SPATA6: variants seen among roughly 807,000 people sequenced by gnomAD.
SPATA6 encodes the protein spermatogenesis-associated protein 6.
SPATA6 carries 56 observed loss-of-function variants against 65.3 expected under a neutral mutation model. The observed-to-expected ratio is 0.86, with a 90% CI of 0.69 to 1.07. The LOEUF is 1.07. Ranked by LOEUF, SPATA6 falls within the 50% of genes least tolerant of loss-of-function variation. The pLI, the probability that SPATA6 is intolerant of heterozygous loss-of-function variation, is 0.00. For missense variants in SPATA6, 590 were observed against 594.8 expected (o/e 0.99, Z 0.08); for synonymous variants, 199 against 213.2 (o/e 0.93, Z 0.58).
intron 1 of SPATA6, among the ~76,000 whole-genome samples, chr1:48,453,649 A>C (rs565037930): frequency 6.6e-6 from 1 of 152,204 alleles, no homozygotes; most frequent in Non-Finnish European, 1.5e-5. Context: ...TTTCTAGCCC[A>C]ATAAAGTACT....
chr1:48,442,489 C>T (rs2997522), intron 3 of SPATA6, among the ~76,000 whole-genome samples: 1,550 of 151,430 alleles, frequency 0.01, 22 homozygotes, highest in African/African-American at 0.036. Context: ...GCAGCATAAG[C>T]GGCTGGCAGA....
rs183930303 is a variant in SPATA6, at chr1:48,419,517, G to A, written c.239-6366C>T. On this transcript the variant is annotated intron_variant, in intron 3 of 12. Transcript: ENST00000371847. ...AAGACACTAAGGAAATGGGGCTTACGGGATACATCTAATGAACAAGCTCCT... is the reference window on the plus strand; with the variant it reads ...AAGACACTAAGGAAATGGGGCTTACAGGATACATCTAATGAACAAGCTCCT... Among the ~76,000 whole-genome samples the A allele has an allele frequency of 4.5e-3, 690 of 152,240 alleles. 4 individuals are homozygous for A. Among genetic ancestry groups the A allele is most frequent in the Middle Eastern group, 0.01 (3 of 294 alleles).
At chr1:48,301,548 A>ACAC (rs1471411941) in intron 12 of SPATA6, among the ~76,000 whole-genome samples, 7 of 145,444 alleles carry the variant, frequency 4.8e-5, no homozygotes, top group Non-Finnish European at 7.8e-5. Context: ...CACACACACA[A>ACAC]AAAAAAAAAC....
At chr1:48,362,276 A>C (rs1646837871) in intron 9 of SPATA6, among the ~76,000 whole-genome samples, 1 of 152,140 alleles carries the variant, frequency 6.6e-6, no homozygotes, top group Non-Finnish European at 1.5e-5. Flanking sequence ...AAAAAAGAAA[A>C]GAAAGAAAAA....
chr1:48,272,938 G>A, the SPATA6 span, among the ~76,000 whole-genome samples: 1 of 152,082 alleles, frequency 6.6e-6, no homozygotes, highest in South Asian at 2.1e-4. Flanking sequence ...TTCTTTTGAG[G>A]TCCTTTGTCC....
chr1:48,448,008 T>C (rs377112911), intron 3 of SPATA6: 1 of 152,226 alleles, frequency 6.6e-6, no homozygotes, highest in Non-Finnish European at 1.5e-5. Flanking sequence ...AAAAAGCTTA[T>C]ATTAGGAAAA....
At chr1:48,414,281 C>A (rs139114114) in intron 3 of SPATA6, among the ~76,000 whole-genome samples, 1 of 152,176 alleles carries the variant, frequency 6.6e-6, no homozygotes, top group Non-Finnish European at 1.5e-5. Flanking sequence ...CATATTTCCA[C>A]CAGCAGGGAG....
intron 11 of SPATA6, among the ~76,000 whole-genome samples, chr1:48,324,146 C>T (rs1412990513): frequency 6.6e-6 from 1 of 151,960 alleles, no homozygotes; most frequent in Non-Finnish European, 1.5e-5. Context: ...TTTGTAGAGA[C>T]AAGGTCTCAC....
intron 8 of SPATA6, among the ~76,000 whole-genome samples, chr1:48,390,392 T>C (rs750874369): frequency 1.6e-4 from 24 of 152,142 alleles, no homozygotes; most frequent in Non-Finnish European, 2.8e-4. Flanking sequence ...GAATAATCGA[T>C]ACTAGAGGCT....
chr1:48,316,724 C>T (rs908416995), intron 11 of SPATA6, among the ~76,000 whole-genome samples: 5 of 152,182 alleles, frequency 3.3e-5, no homozygotes, highest in African/African-American at 1.2e-4. Context: ...GCAAAAGAAA[C>T]TACCATCAGA....
At chr1:48,464,500 C>T (rs905218386) in intron 1 of SPATA6, among the ~76,000 whole-genome samples, 2 of 152,076 alleles carry the variant, frequency 1.3e-5, no homozygotes, top group South Asian at 4.1e-4. Flanking sequence ...CTCATAGGAG[C>T]ACAATTTGTA....
intron 5 of SPATA6, among the ~76,000 whole-genome samples, chr1:48,404,703 G>GA (rs972661439): frequency 3.4e-4 from 51 of 152,028 alleles, no homozygotes; most frequent in African/African-American, 1.2e-3. Context: ...TGTAGTTCTT[G>GA]AAAACAGAAA....
the SPATA6 span, among the ~76,000 whole-genome samples, chr1:48,280,997 G>C: frequency 3.9e-5 from 6 of 152,034 alleles, no homozygotes; most frequent in African/African-American, 7.2e-5. Flanking sequence ...GATCAAGTGG[G>C]CTTCATCCCT....
chr1:48,400,634 C>T (rs182717889), intron 6 of SPATA6: 89 of 366,114 alleles, frequency 2.4e-4, no homozygotes, highest in African/African-American at 1.9e-3. Context: ...CTAAGGGTAA[C>T]TAAGTGAATA....
Position 48,305,801 on chromosome 1 carries a change from A to AC in SPATA6, c.1271dup (p.Ser424ArgfsTer2). 6.2e-7 allele frequency: 1 copy of AC among 1,610,722 alleles called. No homozygotes were observed. The highest frequency in any genetic ancestry group is 1.3e-5 in the African/African-American group (1 of 74,896). On this transcript the variant is annotated frameshift_variant, in exon 12 of 13. Transcript: ENST00000371847. LOFTEE classifies it high-confidence loss of function. ...TTCATTCATACCTATACTCGGGGTC[A>AC]CTGTCATAGGCAGAGTCTCTACATA... is the stretch of plus-strand genomic sequence containing the variant.
At chr1:48,441,194 C>T (rs1655433128) in intron 3 of SPATA6, among the ~76,000 whole-genome samples, 2 of 152,166 alleles carry the variant, frequency 1.3e-5, no homozygotes, top group Admixed American at 6.5e-5. Context: ...CTGAGGGTGC[C>T]CAGGGCAAGT....
intron 9 of SPATA6, among the ~76,000 whole-genome samples, chr1:48,363,607 T>A (rs908978295): frequency 2.6e-5 from 4 of 152,048 alleles, no homozygotes; most frequent in African/African-American, 9.7e-5. Flanking sequence ...AGTCTTTTTT[T>A]TACATTTATG....
At chr1:48,317,493 CAGGA>C (rs1186712511) in intron 11 of SPATA6, among the ~76,000 whole-genome samples, 1 of 149,696 alleles carries the variant, frequency 6.7e-6, no homozygotes, top group Non-Finnish European at 1.5e-5. Context: ...CACATGGACA[CAGGA>C]AGGGGAACAT....
At position 48,382,456 on chromosome 1, in the gene SPATA6, G is replaced by A. The variant is rs1360919553; in HGVS notation, c.909+2853C>T. 4.4e-5 allele frequency among the ~76,000 whole-genome samples: 6 copies of A among 136,002 alleles called. No homozygotes were observed. In the South Asian group the frequency reaches 1.0e-3, roughly 23 times the overall value. The allele number at this position is 136,002 out of a possible 152,430, so 89.2% of individuals were successfully genotyped here. A position where few individuals can be genotyped will look rare whatever the true frequency, so the allele number is the denominator to read the frequency against. On this transcript the variant is annotated intron_variant, in intron 9 of 12. Coordinates refer to ENST00000371847, the MANE Select transcript of SPATA6 (RefSeq NM_019073.4). ...TCCTGGATAGGGCGGCTGGCTGGGC[G>A]GGGGGCTGTCCCCCCCACCTCCCTC...
Sources: gnomAD v4.1 joint callset for allele counts (sites outside exome capture counted in the v4.1 genomes callset) on GRCh38, gnomAD v4.1.1 for gene constraint, MANE v1.5 for transcripts, NCBI Gene and HGNC (gene_info 2026-07-23, HGNC 2026-07-21) for gene names.